Variants in ARFGAP2 observed in about 807,000 individuals in gnomAD.
The protein encoded by ARFGAP2 is ARF GTPase activating protein 2.
ARFGAP2 carries 45 observed loss-of-function variants against 71.9 expected under a neutral mutation model. The observed-to-expected ratio is 0.63, with a 90% CI of 0.49 to 0.80. The LOEUF is 0.80. Ranked by LOEUF, ARFGAP2 falls within the 30% of genes least tolerant of loss-of-function variation. The probability of loss-of-function intolerance (pLI) is 0.00; values close to 1 mark genes in which losing one functional copy is unlikely to be tolerated. For synonymous variants in ARFGAP2, 248 were observed against 249.2 expected, an observed-to-expected ratio of 1.00 and a Z score of 0.05; for missense variants, 633 against 673.9, an observed-to-expected ratio of 0.94 and a Z score of 0.67.
chr11:47,175,612 G>T (rs1301108116), intron 3 of ARFGAP2: 2 of 623,810 alleles, frequency 3.2e-6, no homozygotes, highest in Non-Finnish European at 5.5e-6. Flanking sequence ...CCCAATGACT[G>T]TGAAGGCTCC....
At chr11:47,173,512 G>A (rs973994907) in intron 6 of ARFGAP2, 30 bp from the exon 7 acceptor site, 12 of 1,539,982 alleles carry the variant, frequency 7.8e-6, no homozygotes, top group Non-Finnish European at 1.1e-5. Flanking sequence ...AGTTAGAGAT[G>A]AGCTCCTAGC....
In ARFGAP2 at chr11:47,166,680, T is replaced by C. The variant is rs1952393127; in HGVS notation, c.1332+80A>G. 1.9e-6 allele frequency: 3 copies of C among 1,599,848 alleles called. No individual in the cohort carries two copies. In the African/African-American group the frequency reaches 4.0e-5, roughly 21 times the overall value. On this transcript the variant is annotated intron_variant, in intron 13 of 15. Coordinates refer to ENST00000524782, the MANE Select transcript of ARFGAP2 (RefSeq NM_032389.6). The stretch of plus-strand genomic sequence containing the variant: ...CACACAGGCCAGGCCCTCCTGGTGC[T>C]AAAGCCCAAAGCAGCGGCAGGGAGA...
In ARFGAP2 at chr11:47,171,520, T is replaced by C; in HGVS notation, c.847A>G (p.Ile283Val). The C allele has an allele frequency of 6.2e-7, 1 of 1,614,144 alleles. No individual in the cohort carries two copies. ...TTCTTTTCCTCTTTCTTACGATCAA[T>C]CTGGAGCTCCTGGTAGGCCAGACGC... ...SMRLAYQELQ[I>V]DRKKEEKKLQ... The change falls in exon 10 of 16, where the codon ATT (isoleucine) becomes GTT (valine). Residue 283 changes from isoleucine (I) to valine (V), a missense_variant. Transcript: ENST00000524782.
At position 47,166,487 on chromosome 11, in the gene ARFGAP2, C is replaced by T. The variant is rs775103319; in HGVS notation, c.1426+19G>A. On this transcript the variant is annotated intron_variant, in intron 14 of 15. Coordinates refer to ENST00000524782, the MANE Select transcript of ARFGAP2 (RefSeq NM_032389.6). ...CTCCCAGGCCTCACTTGGTGCCTGC[C>T]ACCCCACCAGGGCCCTACCTGCTCC... is the stretch of plus-strand genomic sequence containing the variant. 2 of 1,612,788 alleles carry T rather than the reference C, an allele frequency of 1.2e-6. No homozygotes were observed. The highest frequency in any genetic ancestry group is 1.7e-6 in the Non-Finnish European group (2 of 1,179,610).
Position 47,172,347 on chromosome 11 carries a change from G to T in ARFGAP2, c.620-14C>A. On this transcript the variant is annotated splice_polypyrimidine_tract_variant and intron_variant, in intron 7 of 15. Coordinates refer to ENST00000524782, the MANE Select transcript of ARFGAP2 (RefSeq NM_032389.6). ...AGCTTTTCAGTTCTGCGTGAGAAAC[G>T]GGTAGGCATGAGCTAAGACAAAGGC... 1.2e-6 allele frequency: 2 copies of T among 1,614,068 alleles called. No individual in the cohort carries two copies. Among genetic ancestry groups the T allele is most frequent in the Non-Finnish European group, 1.7e-6 (2 of 1,179,992 alleles).
At chr11:47,175,951 C>T (rs776000269) in intron 2 of ARFGAP2, 28 bp from the exon 3 acceptor site, 4 of 1,612,012 alleles carry the variant, frequency 2.5e-6, no homozygotes, top group South Asian at 2.2e-5. Flanking sequence ...GTCTCACCCA[C>T]TAGCAGATAC....
chr11:47,173,973 A>C, intron 5 of ARFGAP2, 133 bp from the exon 6 acceptor site: 1 of 1,487,822 alleles, frequency 6.7e-7, no homozygotes, highest in Admixed American at 2.0e-5. Context: ...AGGGTAGCAA[A>C]CAAGATCACA....
Position 47,165,377 on chromosome 11 carries a change from A to T in ARFGAP2, c.*105T>A. The T allele has an allele frequency of 6.9e-7, 1 of 1,440,406 alleles. No homozygotes were observed. Among genetic ancestry groups the T allele is most frequent in the Non-Finnish European group, 9.4e-7 (1 of 1,066,662 alleles). 89.2% of individuals were successfully genotyped at this position (1,440,406 alleles called of 1,614,324 possible). On this transcript the variant is annotated 3_prime_UTR_variant, in exon 16 of 16. Transcript: ENST00000524782. ...CCCCACACACACACCACACATACGA[A>T]GTAACAAATCCTCCCCAGCTTCCAC...
chr11:47,170,117 T>G (rs1386303660), intron 10 of ARFGAP2, among the ~76,000 whole-genome samples: 2 of 151,958 alleles, frequency 1.3e-5, no homozygotes, highest in African/African-American at 4.8e-5. Flanking sequence ...TTGAAGCTAG[T>G]AGTTTTACAC....
In ARFGAP2 at chr11:47,164,379, A is replaced by G; in HGVS notation, c.*1103T>C. On this transcript the variant is annotated 3_prime_UTR_variant, in exon 16 of 16. Coordinates refer to ENST00000524782, the MANE Select transcript of ARFGAP2 (RefSeq NM_032389.6). The stretch of plus-strand genomic sequence containing the variant: ...CTTTGTTTCAATACAAACAGTCCAG[A>G]AAGAAAGTCAAGTCCCTCTGGGGGA... The G allele has an allele frequency of 9.0e-7, 1 of 1,114,518 alleles. No homozygotes were observed. Among genetic ancestry groups the G allele is most frequent in the Admixed American group, 3.1e-5 (1 of 32,558 alleles). 69.0% of individuals were successfully genotyped at this position (1,114,518 alleles called of 1,614,324 possible). A position where few individuals can be genotyped will look rare whatever the true frequency, so the allele number is the denominator to read the frequency against.
At chr11:47,174,950 G>A (rs1952740032) in intron 5 of ARFGAP2, 65 bp downstream of exon 5, 9 of 1,527,310 alleles carry the variant, frequency 5.9e-6, no homozygotes, top group Non-Finnish European at 8.2e-6. Context: ...GATCACAGAA[G>A]GCCTGGGCCT....
intron 10 of ARFGAP2, among the ~76,000 whole-genome samples, chr11:47,169,973 G>A (rs1023882195): frequency 1.3e-5 from 2 of 152,190 alleles, no homozygotes; most frequent in Non-Finnish European, 2.9e-5. Context: ...GGGAAAGGAG[G>A]GAGACCCAAT....
intron 2 of ARFGAP2, 198 bp from the exon 3 acceptor site, chr11:47,176,121 T>A: frequency 1.6e-6 from 1 of 615,108 alleles, no homozygotes; most frequent in Non-Finnish European, 2.9e-6. Context: ...ACTAATTATG[T>A]CCCCAGATCC....
chr11:47,173,391 C>G, intron 7 of ARFGAP2, 35 bp downstream of exon 7: 1 of 1,551,594 alleles, frequency 6.4e-7, no homozygotes, highest in Non-Finnish European at 8.7e-7. Flanking sequence ...CCACCCTCTC[C>G]CAGACACCCC....
chr11:47,175,357 C>T, intron 3 of ARFGAP2, 44 bp from the exon 4 acceptor site: 1 of 1,613,378 alleles, frequency 6.2e-7, no homozygotes, highest in Non-Finnish European at 8.5e-7. Flanking sequence ...GGGTGATTCT[C>T]AAGAAGGAAA....
chr11:47,174,142 A>G (rs1364603967), intron 5 of ARFGAP2, among the ~76,000 whole-genome samples: 2 of 152,176 alleles, frequency 1.3e-5, no homozygotes, highest in East Asian at 3.9e-4. Context: ...ATATGAATAT[A>G]TTTAATTATC....
chr11:47,170,206 C>A (rs1952540340), intron 10 of ARFGAP2, among the ~76,000 whole-genome samples: 1 of 150,328 alleles, frequency 6.7e-6, no homozygotes, highest in African/African-American at 2.5e-5. Flanking sequence ...TGCCTGTAAT[C>A]ACAGCTTCTC....
chr11:47,172,055 C>G, intron 8 of ARFGAP2: 2 of 696,050 alleles, frequency 2.9e-6, no homozygotes, highest in Non-Finnish European at 4.8e-6. Context: ...GCCAAGCACT[C>G]CGCCAAGCAC....
At chr11:47,172,381 G>A (rs1952639551) in intron 7 of ARFGAP2, 48 bp from the exon 8 acceptor site, 2 of 1,596,926 alleles carry the variant, frequency 1.3e-6, no homozygotes, top group Non-Finnish European at 1.7e-6. Context: ...GCAGCTCAGA[G>A]GCAGTAGCTC....
Sources: allele counts gnomAD v4.1 joint callset (sites outside exome capture counted in the v4.1 genomes callset), GRCh38; gene constraint gnomAD v4.1.1; transcripts MANE v1.5; gene names NCBI Gene and HGNC (gene_info 2026-07-23, HGNC 2026-07-21).